Variants in IL12B observed in about 807,000 individuals in gnomAD.
The protein encoded by IL12B is interleukin-12 subunit beta.
Under a neutral mutation model 39.2 loss-of-function variants are expected in IL12B, and 27 were observed. That is an observed-to-expected ratio of 0.69 (90% CI 0.51 to 0.95). The LOEUF is 0.95. IL12B is among the 40% of genes least tolerant of loss of function. IL12B has a pLI of 0.00. For synonymous variants in IL12B, 142 were observed against 152.1 expected, an observed-to-expected ratio of 0.93 and a Z score of 0.49; for missense variants, 351 against 397.6, an observed-to-expected ratio of 0.88 and a Z score of 1.00.
intron 1 of IL12B, among the ~76,000 whole-genome samples, chr5:159,330,068 C>T (rs1245616329): frequency 6.6e-6 from 1 of 152,156 alleles, no homozygotes; most frequent in Non-Finnish European, 1.5e-5. Flanking sequence ...GTAAGGCAGG[C>T]ACCACTCACT....
chr5:159,321,490 G>A (rs1364876892), intron 4 of IL12B, among the ~76,000 whole-genome samples: 1 of 151,300 alleles, frequency 6.6e-6, no homozygotes, highest in Admixed American at 6.6e-5. Flanking sequence ...TTATTTTTAT[G>A]AACTAGGATC....
chr5:159,323,979 A>G (rs3213092), intron 2 of IL12B, among the ~76,000 whole-genome samples: 1,904 of 151,852 alleles, frequency 0.013, 40 homozygotes, highest in African/African-American at 0.043. Context: ...ATCGTTACTT[A>G]TAGACTGAGG....
intron 5 of IL12B, among the ~76,000 whole-genome samples, chr5:159,319,999 A>T (rs953392633): frequency 6.6e-6 from 1 of 152,198 alleles, no homozygotes. Context: ...AGGCTCTGGG[A>T]TTCATCATGG....
In IL12B at chr5:159,318,751, C is replaced by G. The variant is rs770877646; in HGVS notation, c.840G>C (p.Lys280Asn). The G allele has an allele frequency of 2.5e-6, 4 of 1,614,060 alleles. No homozygotes were observed. The highest frequency in any genetic ancestry group is 1.3e-5 in the African/African-American group (1 of 74,918). The stretch of plus-strand genomic sequence containing the variant: ...CACTTCTTACCTTTTCTCTCTTGCT[C>G]TTGCCCTGGACCTGAACGCAGAATG... ...SLTFCVQVQGKSKREKKDRVF... is the reference protein window; with the variant it reads ...SLTFCVQVQGNSKREKKDRVF... Residue 280 changes from lysine to asparagine, a missense_variant, in exon 6 of 8, where the codon AAG becomes AAC. Coordinates refer to ENST00000231228, the MANE Select transcript of IL12B (RefSeq NM_002187.3).
At chr5:159,328,518 A>G (rs1754228319) in intron 1 of IL12B, among the ~76,000 whole-genome samples, 1 of 152,234 alleles carries the variant, frequency 6.6e-6, no homozygotes, top group Admixed American at 6.5e-5. Context: ...AACCAATAAC[A>G]TATTAACTTG....
chr5:159,323,029 A>C (rs542304425), intron 3 of IL12B, 25 bp downstream of exon 3: 2 of 1,609,856 alleles, frequency 1.2e-6, no homozygotes, highest in African/African-American at 2.7e-5. Context: ...GAGAAAATTG[A>C]TACTATCCAA....
In IL12B at chr5:159,316,800, G is replaced by A. The variant is rs367828574; in HGVS notation, c.872C>T (p.Thr291Met). ...GATGACCGTGGCTGAGGTCTTGTCCGTGAAGACTCTATCTTTCTGCAAAAG... is the reference window on the plus strand; with the variant it reads ...GATGACCGTGGCTGAGGTCTTGTCCATGAAGACTCTATCTTTCTGCAAAAG... ...SKREKKDRVFTDKTSATVICR... is the reference protein window; with the variant it reads ...SKREKKDRVFMDKTSATVICR... The change falls in exon 7 of 8, where the codon ACG becomes ATG. Residue 291 changes from threonine to methionine, a missense_variant. Transcript: ENST00000231228. 183 of 1,613,980 alleles carry A rather than the reference G, an allele frequency of 1.1e-4. No individual in the cohort carries two copies. Among genetic ancestry groups the A allele is most frequent in the South Asian group, 4.4e-4 (40 of 91,082 alleles).
chr5:159,323,102 T>G lies in IL12B; in HGVS notation c.316A>C (p.Lys106Gln). 5 of 1,614,204 alleles carry G rather than the reference T, an allele frequency of 3.1e-6. No individual in the cohort carries two copies. The highest frequency in any genetic ancestry group is 3.4e-6 in the Non-Finnish European group (4 of 1,180,028). Residue 106 changes from lysine to glutamine, a missense_variant, in exon 3 of 8, where the codon AAA (lysine) becomes CAA (glutamine). Lys to Gln is a moderately conservative substitution (Grantham distance 53, BLOSUM62 1). Coordinates refer to ENST00000231228, the MANE Select transcript of IL12B (RefSeq NM_002187.3). ...GTGGACCAAATTCCATCTTCCTTTTTGTGAAGCAGCAGGAGCGAATGGCTT... is the reference window on the plus strand; with the variant it reads ...GTGGACCAAATTCCATCTTCCTTTTGGTGAAGCAGCAGGAGCGAATGGCTT... ...VLSHSLLLLH[K>Q]KEDGIWSTDI...
Position 159,314,907 on chromosome 5 carries a change from T to C in IL12B, c.*1194A>G, listed in dbSNP as rs562878121. The C allele has an allele frequency of 3.0e-4, 46 of 152,474 alleles. No homozygotes were observed. The highest frequency in any genetic ancestry group is 1.1e-3 in the African/African-American group (44 of 41,570). 9.4% of individuals were successfully genotyped at this position (152,474 alleles called of 1,614,324 possible). On this transcript the variant is annotated 3_prime_UTR_variant, in exon 8 of 8. Transcript: ENST00000231228. ...CATACATTACTTAAAAGTAGCACCT[T>C]CATGGAGCCATATTTTCTGGTCATA...
chr5:159,323,432 G>T, intron 2 of IL12B, 103 bp from the exon 3 acceptor site: 1 of 1,079,738 alleles, frequency 9.3e-7, no homozygotes, highest in Non-Finnish European at 1.4e-6. Flanking sequence ...ACACAACCTT[G>T]TTTACAACAA....
chr5:159,322,429 A>G lies in IL12B; in HGVS notation c.447T>C (p.Ser149=), dbSNP rs761228891. The part of the protein sequence containing the change: ...RFTCWWLTTI[S]TDLTFSVKSS... ...TTTTGACACTGAATGTCAAATCAGT[A>G]CTGATTGTCGTCAGCCACCAGCAGG... The change falls in exon 4 of 8, where the codon AGT becomes AGC. Residue 149 remains serine (S), a synonymous_variant. Coordinates refer to ENST00000231228, the MANE Select transcript of IL12B (RefSeq NM_002187.3). 6.2e-7 allele frequency: 1 copy of G among 1,613,054 alleles called. No individual in the cohort carries two copies. The highest frequency in any genetic ancestry group is 2.2e-5 in the East Asian group (1 of 44,884).
At chr5:159,320,241 G>T in intron 5 of IL12B, 65 bp downstream of exon 5, 3 of 1,358,646 alleles carry the variant, frequency 2.2e-6, no homozygotes, top group Admixed American at 1.7e-5. Context: ...AGTGCATGGG[G>T]CATTGTGAAC....
At chr5:159,323,896 T>G (rs1159274075) in intron 2 of IL12B, among the ~76,000 whole-genome samples, 1 of 121,978 alleles carries the variant, frequency 8.2e-6, no homozygotes, top group Non-Finnish European at 1.6e-5. Flanking sequence ...TGACTGAGGA[T>G]TAAATGAAAA....
intron 6 of IL12B, chr5:159,318,052 T>C (rs1754017707): frequency 6.5e-6 from 1 of 153,180 alleles, no homozygotes; most frequent in Non-Finnish European, 1.5e-5. Context: ...ACCATCCTTT[T>C]CTTGGGGTTG....
Position 159,323,236 on chromosome 5 carries a change from G to T in IL12B, c.182C>A (p.Thr61Asn), listed in dbSNP as rs2113030372. ...DTPEEDGITW[T>N]LDQSSEVLGS... ...TAAGACCTCACTGCTCTGGTCCAAG[G>T]TCCAGGTGATACCATCTTCTTCAGG... Residue 61 changes from threonine to asparagine, a missense_variant, in exon 3 of 8, where the codon ACC becomes AAC. Thr to Asn is a moderately conservative substitution (Grantham distance 65, BLOSUM62 0). Coordinates refer to ENST00000231228, the MANE Select transcript of IL12B (RefSeq NM_002187.3). 1 of 1,614,084 alleles carries T rather than the reference G, an allele frequency of 6.2e-7. No homozygotes were observed. The highest frequency in any genetic ancestry group is 1.1e-5 in the South Asian group (1 of 91,078).
intron 2 of IL12B, among the ~76,000 whole-genome samples, chr5:159,325,987 T>C (rs1754182629): frequency 6.6e-6 from 1 of 152,202 alleles, no homozygotes; most frequent in South Asian, 2.1e-4. Context: ...TTACTGATCA[T>C]TGGGATAATA....
Position 159,323,026 on chromosome 5 carries a change from T to C in IL12B, c.364+28A>G, listed in dbSNP as rs760726173. ...TAACTCTTATGAGCGAAAGAGAAAA[T>C]TGATACTATCCAAGGGTATAGAATT... On this transcript the variant is annotated intron_variant, in intron 3 of 7. Transcript: ENST00000231228. The C allele has an allele frequency of 3.7e-6, 6 of 1,608,454 alleles. No homozygotes were observed. In the African/African-American group the frequency reaches 5.3e-5, roughly 14 times the overall value.
At chr5:159,324,270 G>A (rs1261347131) in intron 2 of IL12B, among the ~76,000 whole-genome samples, 1 of 152,190 alleles carries the variant, frequency 6.6e-6, no homozygotes, top group Non-Finnish European at 1.5e-5. Flanking sequence ...CTTGGGCTTT[G>A]CAAGGGATGC....
At chr5:159,326,343 G>A (rs1213905084) in intron 2 of IL12B, among the ~76,000 whole-genome samples, 1 of 152,180 alleles carries the variant, frequency 6.6e-6, no homozygotes, top group African/African-American at 2.4e-5. Context: ...AATGAGAAAC[G>A]AACACAGTTG....
Sources: allele counts gnomAD v4.1 joint callset (sites outside exome capture counted in the v4.1 genomes callset), GRCh38; gene constraint gnomAD v4.1.1; transcripts MANE v1.5; gene names NCBI Gene and HGNC (gene_info 2026-07-23, HGNC 2026-07-21).